Variants in CTNNAL1 observed in about 807,000 individuals in gnomAD.
CTNNAL1 encodes the protein alpha-catulin.
In CTNNAL1, 69 loss-of-function variants were observed where a neutral mutation model predicts 93.6. The observed-to-expected ratio is 0.74, with a 90% confidence interval of 0.61 to 0.90. CTNNAL1 has a LOEUF of 0.90. Among genes scored for constraint, CTNNAL1 ranks in the 40% least tolerant of loss-of-function variants. The probability of loss-of-function intolerance (pLI) is 0.00; values close to 1 mark genes in which losing one functional copy is unlikely to be tolerated. For synonymous variants in CTNNAL1, 286 were observed against 305.4 expected (o/e 0.94, Z 0.66); for missense variants, 836 against 862.0 (o/e 0.97, Z 0.38).
intron 1 of CTNNAL1, among the ~76,000 whole-genome samples, chr9:109,005,684 C>T (rs907016049): frequency 6.6e-6 from 1 of 152,192 alleles, no homozygotes; most frequent in Non-Finnish European, 1.5e-5. Context: ...TTGTTTAAGG[C>T]ACCCAGTCTA....
intron 1 of CTNNAL1, among the ~76,000 whole-genome samples, chr9:109,006,318 T>C (rs1030076229): frequency 2.6e-5 from 4 of 152,246 alleles, no homozygotes; most frequent in Admixed American, 2.6e-4. Flanking sequence ...TCAATTCTTT[T>C]AATGCTTGCT....
At chr9:109,007,280 C>T (rs1292180944) in intron 1 of CTNNAL1, among the ~76,000 whole-genome samples, 1 of 151,924 alleles carries the variant, frequency 6.6e-6, no homozygotes, top group Non-Finnish European at 1.5e-5. Flanking sequence ...TTCACATACA[C>T]AAATCAGCAA....
chr9:108,972,671 T>G lies in CTNNAL1; in HGVS notation c.1347+4A>C, dbSNP rs375969724. 6.2e-7 allele frequency: 1 copy of G among 1,606,246 alleles called. No homozygotes were observed. Among genetic ancestry groups the G allele is most frequent in the Non-Finnish European group, 8.5e-7 (1 of 1,177,324 alleles). ...ACAATTTCTTTAGCACCTTGTTTAC[T>G]CACCTCAACAAGCTGCTCTTTCTGT... On this transcript the variant is annotated splice_donor_region_variant and intron_variant, in intron 9 of 18. Transcript: ENST00000325551.
At chr9:108,943,369 A>AT (rs1408138333) in intron 17 of CTNNAL1, among the ~76,000 whole-genome samples, 14 of 152,190 alleles carry the variant, frequency 9.2e-5, no homozygotes, top group African/African-American at 3.1e-4. Context: ...CTTGCACTCT[A>AT]TTTTGTGGGC....
At chr9:108,943,845 G>C in intron 16 of CTNNAL1, 29 bp from the exon 17 acceptor site, 1 of 1,607,496 alleles carries the variant, frequency 6.2e-7, no homozygotes, top group Non-Finnish European at 8.5e-7. Flanking sequence ...AGTTATAACA[G>C]CCCGCAACAA....
In CTNNAL1 at chr9:108,943,062, A is replaced by C; in HGVS notation, c.2056-18T>G. On this transcript the variant is annotated intron_variant, in intron 17 of 18. Coordinates refer to ENST00000325551, the MANE Select transcript of CTNNAL1 (RefSeq NM_003798.4). The stretch of plus-strand genomic sequence containing the variant: ...TTGTCAACCTACAATGACAAAAAGC[A>C]TGCAAATGATATTCTAAAAGTAGTA... The C allele has an allele frequency of 2.5e-6, 4 of 1,590,220 alleles. No homozygotes were observed. Among genetic ancestry groups the C allele is most frequent in the Non-Finnish European group, 3.4e-6 (4 of 1,169,806 alleles).
chr9:108,979,578 G>C, intron 6 of CTNNAL1, 97 bp from the exon 7 acceptor site: 1 of 1,127,126 alleles, frequency 8.9e-7, no homozygotes, highest in Non-Finnish European at 1.3e-6. Flanking sequence ...GAAAACACTA[G>C]CATTTCCTTT....
At chr9:108,979,021 G>C (rs1217551456) in intron 7 of CTNNAL1, among the ~76,000 whole-genome samples, 7 of 152,146 alleles carry the variant, frequency 4.6e-5, no homozygotes, top group African/African-American at 1.7e-4. Flanking sequence ...ACAACAGTGT[G>C]AACTAGTGAT....
rs372704515 is a variant in CTNNAL1, at chr9:108,972,662, C to T, written c.1347+13G>A. 6 of 1,601,126 alleles carry T rather than the reference C, an allele frequency of 3.7e-6. No individual in the cohort carries two copies. Among genetic ancestry groups the T allele is most frequent in the Non-Finnish European group, 5.1e-6 (6 of 1,175,220 alleles). Reference sequence around the variant, plus strand: ...TATTAAACTACAATTTCTTTAGCACCTTGTTTACTCACCTCAACAAGCTGC... The same window carrying T: ...TATTAAACTACAATTTCTTTAGCACTTTGTTTACTCACCTCAACAAGCTGC... On this transcript the variant is annotated intron_variant, in intron 9 of 18. Coordinates refer to ENST00000325551, the MANE Select transcript of CTNNAL1 (RefSeq NM_003798.4).
At chr9:108,972,563 G>A in intron 9 of CTNNAL1, 112 bp downstream of exon 9, 3 of 906,804 alleles carry the variant, frequency 3.3e-6, no homozygotes, top group Non-Finnish European at 5.0e-6. Context: ...TGCCAAAGGA[G>A]AGAGAAAATG....
At chr9:109,000,273 T>A (rs1464241593) in intron 1 of CTNNAL1, among the ~76,000 whole-genome samples, 3 of 152,208 alleles carry the variant, frequency 2.0e-5, no homozygotes, top group Non-Finnish European at 2.9e-5. Context: ...TTCCTAAGGA[T>A]GTATCAGTGA....
At chr9:108,951,223 A>C (rs1477410306) in intron 14 of CTNNAL1, among the ~76,000 whole-genome samples, 1 of 150,124 alleles carries the variant, frequency 6.7e-6, no homozygotes, top group African/African-American at 2.5e-5. Context: ...CAGTGTGTTA[A>C]CCAGGATGGT....
In CTNNAL1 at chr9:108,952,467, T is replaced by G; in HGVS notation, c.1657A>C (p.Lys553Gln). 1 of 1,614,198 alleles carries G rather than the reference T, an allele frequency of 6.2e-7. No individual in the cohort carries two copies. Among genetic ancestry groups the G allele is most frequent in the Non-Finnish European group, 8.5e-7 (1 of 1,180,034 alleles). Reference protein sequence around the residue: ...MKNNANLKSLKPDKPDSEEQA... With the variant: ...MKNNANLKSLQPDKPDSEEQA... Reference sequence around the variant, plus strand: ...ACCTCAGAGTCAGGCTTGTCTGGCTTTAATGATTTCAGGTTTGCATTATTC... The same window carrying G: ...ACCTCAGAGTCAGGCTTGTCTGGCTGTAATGATTTCAGGTTTGCATTATTC... Residue 553 changes from lysine to glutamine, a missense_variant, in exon 13 of 19, where the codon AAG becomes CAG. Transcript: ENST00000325551.
intron 2 of CTNNAL1, among the ~76,000 whole-genome samples, chr9:108,998,677 T>C (rs766702286): frequency 7.2e-5 from 11 of 152,246 alleles, no homozygotes; most frequent in Non-Finnish European, 1.6e-4. Context: ...CTGTGAACCA[T>C]CATGAAGTTT....
chr9:108,968,153 C>A (rs1162998854), intron 10 of CTNNAL1, among the ~76,000 whole-genome samples: 2 of 152,202 alleles, frequency 1.3e-5, no homozygotes, highest in South Asian at 2.1e-4. Flanking sequence ...AACTAGTGTA[C>A]AAACTGTTCA....
intron 4 of CTNNAL1, among the ~76,000 whole-genome samples, chr9:108,985,642 T>C (rs1283345135): frequency 2.0e-5 from 3 of 152,218 alleles, no homozygotes; most frequent in Non-Finnish European, 2.9e-5. Context: ...CCCAAAGAAC[T>C]GTGTCCTATA....
chr9:108,988,093 C>G (rs573093374), intron 4 of CTNNAL1, among the ~76,000 whole-genome samples: 1 of 152,180 alleles, frequency 6.6e-6, no homozygotes, highest in Non-Finnish European at 1.5e-5. Flanking sequence ...CTGCCACTTT[C>G]TTTTCCTTTT....
intron 11 of CTNNAL1, 120 bp downstream of exon 11, chr9:108,965,258 A>G (rs1487924636): frequency 1.3e-6 from 1 of 789,870 alleles, no homozygotes; most frequent in Non-Finnish European, 1.8e-6. Context: ...ATATTTTACT[A>G]CAAAAATAAC....
chr9:108,951,984 TG>T (rs930110044), intron 14 of CTNNAL1, among the ~76,000 whole-genome samples: 43 of 152,054 alleles, frequency 2.8e-4, no homozygotes, highest in African/African-American at 9.9e-4. Context: ...ATGGAAAGAG[TG>T]GGCAGAAACC....
Sources: allele counts gnomAD v4.1 joint callset (sites outside exome capture counted in the v4.1 genomes callset), GRCh38; gene constraint gnomAD v4.1.1; transcripts MANE v1.5; gene names NCBI Gene and HGNC (gene_info 2026-07-23, HGNC 2026-07-21).